Variants in ZNF799 observed in about 807,000 individuals in gnomAD.
ZNF799 encodes the protein zinc finger protein 799, also known as zinc finger protein 14.
In ZNF799, 28 loss-of-function variants were observed where a neutral mutation model predicts 41.0. The ratio of observed to expected loss-of-function variants is 0.68; its 90% CI spans 0.51 to 0.94. The LOEUF is 0.94. ZNF799 is among the 40% of genes least tolerant of loss of function. The probability of loss-of-function intolerance (pLI) is 0.00; values close to 1 mark genes in which losing one functional copy is unlikely to be tolerated. For missense variants in ZNF799, 716 were observed against 764.3 expected, an observed-to-expected ratio of 0.94 and a Z score of 0.74; for synonymous variants, 213 against 252.9, an observed-to-expected ratio of 0.84 and a Z score of 1.50.
chr19:12,393,429 C>A lies in ZNF799; in HGVS notation c.4-6G>T, dbSNP rs1040893126. On this transcript the variant is annotated splice_polypyrimidine_tract_variant and splice_region_variant and intron_variant, in intron 1 of 3. Transcript: ENST00000430385. The stretch of plus-strand genomic sequence containing the variant: ...TCCTCTAAAGCCACTGAGGCCTGAT[C>A]CATCCCACATGTACAGAGGAGGAAG... The A allele has an allele frequency of 1.5e-6, 2 of 1,320,382 alleles. No homozygotes were observed. Among genetic ancestry groups the A allele is most frequent in the Non-Finnish European group, 2.1e-6 (2 of 969,078 alleles). The allele number at this position is 1,320,382 out of a possible 1,614,324, so 81.8% of individuals were successfully genotyped here.
chr19:12,393,446 A>G, intron 1 of ZNF799, 23 bp from the exon 2 acceptor site: 1 of 1,281,256 alleles, frequency 7.8e-7, no homozygotes, highest in Non-Finnish European at 1.0e-6. Flanking sequence ...ACATGTACAG[A>G]GGAGGAAGGG....
At chr19:12,400,773 G>A (rs1969967662) in intron 1 of ZNF799, 1 of 563,038 alleles carries the variant, frequency 1.8e-6, no homozygotes, top group Non-Finnish European at 3.1e-6. Flanking sequence ...GAGTCGGGCC[G>A]CGAACCTGTG....
the ZNF799 span, among the ~76,000 whole-genome samples, chr19:12,406,955 A>T: frequency 1.3e-5 from 2 of 152,238 alleles, no homozygotes; most frequent in Admixed American, 1.3e-4. Flanking sequence ...GCATTTATGC[A>T]GGTGCAAGAT....
Position 12,390,298 on chromosome 19 carries a change from C to A in ZNF799, c.*168G>T. 7.8e-7 allele frequency: 1 copy of A among 1,277,344 alleles called. No individual in the cohort carries two copies. The highest frequency in any genetic ancestry group is 1.1e-6 in the Non-Finnish European group (1 of 932,526). 79.1% of individuals were successfully genotyped at this position (1,277,344 alleles called of 1,614,324 possible). A position where few individuals can be genotyped will look rare whatever the true frequency, so the allele number is the denominator to read the frequency against. On this transcript the variant is annotated 3_prime_UTR_variant, in exon 4 of 4. Coordinates refer to ENST00000430385, the MANE Select transcript of ZNF799 (RefSeq NM_001080821.3). ...GGCTCACGGAGTGCTGGAACCAATA[C>A]CCAGCAGGTATCAAGGGATGACTGT... is the stretch of plus-strand genomic sequence containing the variant.
the ZNF799 span, among the ~76,000 whole-genome samples, chr19:12,406,946 C>G: frequency 6.6e-6 from 1 of 152,034 alleles, no homozygotes; most frequent in Admixed American, 6.6e-5. Flanking sequence ...AGCCATATAG[C>G]ATTTATGCAG....
At chr19:12,393,698 T>C in intron 1 of ZNF799, 3 of 1,271,956 alleles carry the variant, frequency 2.4e-6, no homozygotes, top group Non-Finnish European at 2.0e-6. Context: ...TCACCCCTAA[T>C]GTTGATTTCC....
chr19:12,398,695 A>G (rs879074317), intron 1 of ZNF799, among the ~76,000 whole-genome samples: 16 of 152,346 alleles, frequency 1.1e-4, no homozygotes, highest in Admixed American at 4.6e-4. Flanking sequence ...ACCCTTTTAA[A>G]AAGGAGAACT....
the ZNF799 span, among the ~76,000 whole-genome samples, chr19:12,409,626 C>T: frequency 6.6e-6 from 1 of 152,126 alleles, no homozygotes; most frequent in Non-Finnish European, 1.5e-5. Context: ...AACATATTCA[C>T]CAGGATGGAC....
intron 1 of ZNF799, among the ~76,000 whole-genome samples, chr19:12,399,394 A>C (rs991105628): frequency 6.6e-6 from 1 of 152,170 alleles, no homozygotes; most frequent in African/African-American, 2.4e-5. Context: ...TTCCTATGGA[A>C]TATGACCATG....
At chr19:12,404,633 A>C (rs1970017685), upstream of ZNF799, among the ~76,000 whole-genome samples, 1 of 152,118 alleles carries the variant, frequency 6.6e-6, no homozygotes, top group Non-Finnish European at 1.5e-5. Flanking sequence ...CCCAGTATAA[A>C]ATCCTACTCA....
the ZNF799 span, among the ~76,000 whole-genome samples, chr19:12,412,814 C>T: frequency 6.6e-6 from 1 of 151,486 alleles, no homozygotes; most frequent in Non-Finnish European, 1.5e-5. Context: ...CCAAGGCAGG[C>T]AGATCACCTG....
Position 12,390,574 on chromosome 19 carries a change from C to G in ZNF799, c.1824G>C (p.Lys608Asn). 2 of 1,612,704 alleles carry G rather than the reference C, an allele frequency of 1.2e-6. No homozygotes were observed. Among genetic ancestry groups the G allele is most frequent in the Non-Finnish European group, 1.7e-6 (2 of 1,179,612 alleles). Residue 608 changes from lysine (K) to asparagine (N), a missense_variant, in exon 4 of 4, where the codon AAG (lysine) becomes AAC (asparagine). This residue lies in a region of ZNF799 where 698 missense variants were observed against 713.6 expected (regional missense o/e 0.98). Coordinates refer to ENST00000430385, the MANE Select transcript of ZNF799 (RefSeq NM_001080821.3). ...ASLSSLHRHKKTHWKKTHTGE... is the reference protein window; with the variant it reads ...ASLSSLHRHKNTHWKKTHTGE... The stretch of plus-strand genomic sequence containing the variant: ...CAGTGTGAGTTTTTTTCCAGTGAGT[C>G]TTTTTATGTCTATGCAAGGAACTGA...
At chr19:12,401,719 T>C (rs1404143055), upstream of ZNF799, among the ~76,000 whole-genome samples, 1 of 151,066 alleles carries the variant, frequency 6.6e-6, no homozygotes, top group Non-Finnish European at 1.5e-5. Context: ...GGATTACAGG[T>C]GCGCGCCACC....
chr19:12,400,459 C>T (rs1969960156), intron 1 of ZNF799: 1 of 153,234 alleles, frequency 6.5e-6, no homozygotes, highest in Non-Finnish European at 1.5e-5. Flanking sequence ...GCCGGCTTCC[C>T]CATTGTGCCT....
chr19:12,414,184 T>C, the ZNF799 span, among the ~76,000 whole-genome samples: 1 of 152,226 alleles, frequency 6.6e-6, no homozygotes, highest in East Asian at 1.9e-4. Context: ...CCCACGTCCC[T>C]GATTGAGTAG....
upstream of ZNF799, among the ~76,000 whole-genome samples, chr19:12,406,261 C>T (rs1970029826): frequency 1.3e-5 from 2 of 149,432 alleles, no homozygotes; most frequent in South Asian, 4.2e-4. Flanking sequence ...AGGCGGATCA[C>T]GAGGTCAGGA....
At chr19:12,400,963 G>A (rs1015241114) in intron 1 of ZNF799, 105 bp downstream of exon 1, 308 of 1,603,170 alleles carry the variant, frequency 1.9e-4, no homozygotes, top group Admixed American at 4.5e-4. Context: ...CGGGTCCGTA[G>A]ATCCCGGAGT....
intron 1 of ZNF799, 72 bp downstream of exon 1, chr19:12,400,996 C>T: frequency 6.2e-7 from 1 of 1,613,384 alleles, no homozygotes; most frequent in Non-Finnish European, 8.5e-7. Context: ...GGCCCGGGTC[C>T]AGCCACAGCC....
chr19:12,391,687 G>A lies in ZNF799; in HGVS notation c.711C>T (p.Tyr237=), dbSNP rs769960593. 5 of 1,614,044 alleles carry A rather than the reference G, an allele frequency of 3.1e-6. 1 individual carries two copies. In the South Asian group the frequency reaches 3.3e-5, roughly 11 times the overall value. The change falls in exon 4 of 4, where the codon TAC becomes TAT. Residue 237 remains tyrosine (Y), a synonymous_variant. Transcript: ENST00000430385. The part of the protein sequence containing the change: ...CKQCSKAFSF[Y]SSYLRHERTH... ...TTCTTTCATGTCTTAGATAGGAACT[G>A]TAAAAAGAAAAGGCTTTAGAACACT... is the stretch of plus-strand genomic sequence containing the variant.
Sources: allele counts gnomAD v4.1 joint callset (sites outside exome capture counted in the v4.1 genomes callset), GRCh38; gene constraint gnomAD v4.1.1; regional missense constraint gnomAD v4.1.1; transcripts MANE v1.5; gene names NCBI Gene and HGNC (gene_info 2026-07-23, HGNC 2026-07-21).